EPM2A: variants seen among roughly 807,000 people sequenced by gnomAD.
EPM2A encodes laforin.
In EPM2A, 21 loss-of-function variants were observed where a neutral mutation model predicts 26.5. The observed-to-expected ratio is 0.79, with a 90% CI of 0.56 to 1.14. The LOEUF is 1.14. Ranked by LOEUF, EPM2A falls within the 50% of genes most tolerant of loss-of-function variation. EPM2A has a pLI of 0.00. For synonymous variants in EPM2A, 217 were observed against 177.6 expected (o/e 1.22, Z -1.76); for missense variants, 458 against 440.8 (o/e 1.04, Z -0.35).
intron 2 of EPM2A, among the ~76,000 whole-genome samples, chr6:145,579,849 C>T (rs1002988800): frequency 6.6e-6 from 1 of 151,898 alleles, no homozygotes. Flanking sequence ...TCAGCTAATT[C>T]TGTACTGTTA....
At chr6:145,583,926 A>G (rs1245523558) in intron 2 of EPM2A, among the ~76,000 whole-genome samples, 1 of 152,186 alleles carries the variant, frequency 6.6e-6, no homozygotes, top group Non-Finnish European at 1.5e-5. Flanking sequence ...GGTGCAGAGC[A>G]GGCAGGGTGG....
chr6:145,686,424 A>G, intron 1 of EPM2A, 128 bp from the exon 2 acceptor site: 1 of 744,654 alleles, frequency 1.3e-6, no homozygotes, highest in Non-Finnish European at 2.2e-6. Context: ...TACACATTTC[A>G]GTATAAACAA....
At chr6:145,670,257 A>G (rs1461308874) in intron 2 of EPM2A, 1 of 152,128 alleles carries the variant, frequency 6.6e-6, no homozygotes, top group East Asian at 1.9e-4. Flanking sequence ...AAAATTCTAT[A>G]TTTTACAGTA....
At chr6:145,467,836 G>GT (rs1779419695) in intron 4 of EPM2A, among the ~76,000 whole-genome samples, 1 of 151,900 alleles carries the variant, frequency 6.6e-6, no homozygotes, top group South Asian at 2.1e-4. Context: ...AATTCTCCCT[G>GT]TTTTTTATTT....
intron 4 of EPM2A, among the ~76,000 whole-genome samples, chr6:145,401,271 C>G (rs1224974392): frequency 1.3e-5 from 2 of 152,114 alleles, no homozygotes; most frequent in African/African-American, 4.8e-5. Context: ...TTGTCATATG[C>G]ATATTTGTAC....
chr6:145,721,381 A>C (rs1775940851), intron 1 of EPM2A: 1 of 152,186 alleles, frequency 6.6e-6, no homozygotes, highest in African/African-American at 2.4e-5. Context: ...CAGAGCAAAA[A>C]ACTTAGAAGA....
rs199669269 is a variant in EPM2A at position 145,681,557 on chromosome 6, A to T, written c.476+4565T>A. 4.1e-3 allele frequency among the ~76,000 whole-genome samples: 612 copies of T among 149,726 alleles called. 17 individuals are homozygous for T. In the East Asian group the frequency reaches 0.07, roughly 17 times the overall value. ...TGTTTAAGTCTTTAATCCATCTTGA[A>T]TTGATTTTTGTATAAGGTGTAAGGA... On this transcript the variant is annotated intron_variant, in intron 2 of 3. Transcript: ENST00000367519.
intron 1 of EPM2A, among the ~76,000 whole-genome samples, chr6:145,707,242 T>C (rs908854770): frequency 6.6e-6 from 1 of 152,236 alleles, no homozygotes; most frequent in African/African-American, 2.4e-5. Context: ...GAATGTATCA[T>C]GGTTTATTGT....
rs984436018 is a variant in EPM2A at position 145,720,399 on chromosome 6, C to A, written c.301+14799G>T. On this transcript the variant is annotated intron_variant, in intron 1 of 3. Coordinates refer to ENST00000367519, the MANE Select transcript of EPM2A (RefSeq NM_005670.4). ...AATACTCATATATATTAAGTAAATTCTTCCTCATAATTATTCTGAACTAGT... is the reference window on the plus strand; with the variant it reads ...AATACTCATATATATTAAGTAAATTATTCCTCATAATTATTCTGAACTAGT... 3.9e-5 allele frequency among the ~76,000 whole-genome samples: 6 copies of A among 152,164 alleles called. 1 individual carries two copies. Among genetic ancestry groups the A allele is most frequent in the Admixed American group, 3.3e-4 (5 of 15,278 alleles).
chr6:145,452,796 A>G (rs111249484), intron 4 of EPM2A, among the ~76,000 whole-genome samples: 1 of 152,146 alleles, frequency 6.6e-6, no homozygotes, highest in South Asian at 2.1e-4. Context: ...TTTTTGGTGA[A>G]TCTCTAGGAG....
intron 2 of EPM2A, among the ~76,000 whole-genome samples, chr6:145,537,840 A>T (rs1312868485): frequency 1.3e-5 from 2 of 150,724 alleles, no homozygotes; most frequent in Non-Finnish European, 2.9e-5. Context: ...CTTATGAGTG[A>T]GAACATGCAG....
At chr6:145,668,126 G>T (rs1197734696) in intron 2 of EPM2A, among the ~76,000 whole-genome samples, 3 of 149,682 alleles carry the variant, frequency 2.0e-5, no homozygotes, top group Non-Finnish European at 4.4e-5. Context: ...TAACTAACCT[G>T]CACAATGTGC....
At chr6:145,401,263 G>T (rs1248270944) in intron 4 of EPM2A, among the ~76,000 whole-genome samples, 2 of 152,026 alleles carry the variant, frequency 1.3e-5, no homozygotes, top group Non-Finnish European at 2.9e-5. Context: ...TGCAGCATTT[G>T]TCATATGCAT....
intron 2 of EPM2A, chr6:145,684,874 C>T (rs1780795826): frequency 6.6e-6 from 1 of 152,072 alleles, no homozygotes; most frequent in African/African-American, 2.4e-5. Context: ...TGCATACAAC[C>T]CATCAGCAAA....
intron 4 of EPM2A, among the ~76,000 whole-genome samples, chr6:145,465,916 A>G (rs552114795): frequency 0.011 from 1,740 of 151,596 alleles, 38 homozygotes; most frequent in African/African-American, 0.037. Context: ...AAATGGTGCT[A>G]GGAAAACTGG....
intron 2 of EPM2A, among the ~76,000 whole-genome samples, chr6:145,674,660 A>T (rs1250526497): frequency 6.6e-6 from 1 of 152,192 alleles, no homozygotes; most frequent in Non-Finnish European, 1.5e-5. Context: ...TTCTGTAGCC[A>T]ATTTGATCAA....
At chr6:145,436,504 G>C (rs1778990095) in intron 4 of EPM2A, among the ~76,000 whole-genome samples, 2 of 152,082 alleles carry the variant, frequency 1.3e-5, no homozygotes, top group South Asian at 4.1e-4. Flanking sequence ...ACCCACATTT[G>C]CTATTGACTA....
intron 4 of EPM2A, among the ~76,000 whole-genome samples, chr6:145,407,460 A>G (rs1778584769): frequency 6.6e-6 from 1 of 152,148 alleles, no homozygotes; most frequent in Admixed American, 6.5e-5. Context: ...CATTGACATA[A>G]TGAGAGCAAA....
chr6:145,688,566 G>A (rs534972266), intron 1 of EPM2A, among the ~76,000 whole-genome samples: 1 of 152,188 alleles, frequency 6.6e-6, no homozygotes, highest in East Asian at 1.9e-4. Context: ...GAGAGCTGGA[G>A]TTACTCATTT....
Sources: gnomAD v4.1 joint callset for allele counts (sites outside exome capture counted in the v4.1 genomes callset) on GRCh38, gnomAD v4.1.1 for gene constraint, MANE v1.5 for transcripts, NCBI Gene and HGNC (gene_info 2026-07-23, HGNC 2026-07-21) for gene names.